The following ZZEF1 variants were observed in gnomAD, a reference collection of about 807,000 sequenced individuals.
The protein encoded by ZZEF1 is zinc finger ZZ-type and EF-hand domain-containing protein 1.
ZZEF1 carries 157 observed loss-of-function variants against 342.8 expected under a neutral mutation model. That is an observed-to-expected ratio of 0.46 (90% confidence interval 0.40 to 0.52). ZZEF1 has a LOEUF of 0.52. ZZEF1 is among the 20% of genes least tolerant of loss of function. The pLI is 0.00. For missense variants in ZZEF1, 3,480 were observed against 3,725.6 expected (o/e 0.93, Z 1.72); for synonymous variants, 1,505 against 1,429.1 (o/e 1.05, Z -1.20).
chr17:4,071,478 T>C (rs1176856306), intron 25 of ZZEF1: 1 of 152,650 alleles, frequency 6.6e-6, no homozygotes, highest in Non-Finnish European at 1.5e-5. Flanking sequence ...TAATGGTGCT[T>C]GGCAGTGGAA....
chr17:4,039,850 T>A (rs889833890), intron 39 of ZZEF1, among the ~76,000 whole-genome samples: 1 of 152,038 alleles, frequency 6.6e-6, no homozygotes, highest in African/African-American at 2.4e-5. Flanking sequence ...TTCACTGTGT[T>A]AGCCAGGATG....
In ZZEF1 at chr17:4,064,657, T is replaced by C. The variant is rs2145234398; in HGVS notation, c.4422A>G (p.Val1474=). ...SVVEEHFQAS[V]SPTEAAPPAT... is the part of the protein sequence containing the mutation. ...CAGGGGGTGCGGCTTCAGTGGGAGA[T>C]ACTGAGGCTTGGAAATGCTCTTCCA... Residue 1474 remains valine (V), a synonymous_variant, in exon 29 of 55, where the codon GTA becomes GTG. Coordinates refer to ENST00000381638, the MANE Select transcript of ZZEF1 (RefSeq NM_015113.4). 1.2e-6 allele frequency: 2 copies of C among 1,614,152 alleles called. No homozygotes were observed. The highest frequency in any genetic ancestry group is 1.1e-5 in the South Asian group (1 of 91,086).
In ZZEF1 at chr17:4,142,679, C is replaced by A. The variant is rs781257992; in HGVS notation, c.217G>T (p.Val73Leu). ...AACAACGCGCCGCGATGCCTCGACA[C>A]CAGCGACTCGCAGGGGGGTGTGGGC... is the stretch of plus-strand genomic sequence containing the variant. The part of the protein sequence containing the change: ...LLPTPPCESL[V>L]SRHRGALFRW... Residue 73 changes from valine (V) to leucine (L), a missense_variant, in exon 1 of 55, where the codon GTG becomes TTG. Coordinates refer to ENST00000381638, the MANE Select transcript of ZZEF1 (RefSeq NM_015113.4). The A allele has an allele frequency of 1.2e-6, 2 of 1,606,998 alleles. No homozygotes were observed. Among genetic ancestry groups the A allele is most frequent in the Admixed American group, 3.3e-5 (2 of 59,934 alleles).
chr17:4,122,381 CTT>C (rs778829771), intron 2 of ZZEF1, among the ~76,000 whole-genome samples: 4 of 145,102 alleles, frequency 2.8e-5, no homozygotes, highest in Non-Finnish European at 3.0e-5. Context: ...CATGTCTTTT[CTT>C]TTTTTTTTTT....
At chr17:4,067,617 T>C (rs1422225608) in intron 26 of ZZEF1, among the ~76,000 whole-genome samples, 2 of 152,198 alleles carry the variant, frequency 1.3e-5, no homozygotes, top group East Asian at 1.9e-4. Flanking sequence ...AAGCAGGTTA[T>C]GAAACAGTAT....
chr17:4,129,359 C>T (rs2058627793), intron 1 of ZZEF1, among the ~76,000 whole-genome samples: 1 of 152,088 alleles, frequency 6.6e-6, no homozygotes, highest in African/African-American at 2.4e-5. Flanking sequence ...ACCATTTGAC[C>T]CAGCAATCCC....
rs553553584 is a variant in ZZEF1, at chr17:4,102,289, A to G, written c.1672+28T>C. On this transcript the variant is annotated intron_variant, in intron 9 of 54. Transcript: ENST00000381638. ...CAGCTGACTCCTGTCTACCGAGCAC[A>G]CTAGAAACAGACAGACCCACCACTC... The G allele has an allele frequency of 4.7e-5, 75 of 1,598,678 alleles. 3 individuals are homozygous for G. In the South Asian group the frequency reaches 7.8e-4, roughly 17 times the overall value.
Position 4,072,659 on chromosome 17 carries a change from C to T in ZZEF1, c.3783G>A (p.Glu1261=). The part of the protein sequence containing the change: ...KPVFRHQVCP[E]LELEASWPTH... ...TGGGCCAGCTTGCTTCTAATTCCAA[C>T]TCTGGACAAACCTGATGCCTGAAGA... Residue 1261 remains glutamate, a synonymous_variant, in exon 25 of 55, where the codon GAG becomes GAA. Coordinates refer to ENST00000381638, the MANE Select transcript of ZZEF1 (RefSeq NM_015113.4). 1 of 1,614,026 alleles carries T rather than the reference C, an allele frequency of 6.2e-7. No individual in the cohort carries two copies. Among genetic ancestry groups the T allele is most frequent in the African/African-American group, 1.3e-5 (1 of 75,026 alleles).
intron 37 of ZZEF1, among the ~76,000 whole-genome samples, chr17:4,045,446 C>T (rs928690730): frequency 5.3e-5 from 8 of 152,160 alleles, no homozygotes; most frequent in African/African-American, 1.9e-4. Flanking sequence ...GAAAACCAAA[C>T]AAACCTTTAT....
At position 4,112,787 on chromosome 17, in the gene ZZEF1, A is replaced by G; in HGVS notation, c.888T>C (p.Val296=). The G allele has an allele frequency of 1.3e-6, 2 of 1,580,534 alleles. No homozygotes were observed. Among genetic ancestry groups the G allele is most frequent in the Non-Finnish European group, 1.7e-6 (2 of 1,161,002 alleles). The stretch of plus-strand genomic sequence containing the variant: ...CTGCAATGGACAGGTGCCTAAGCAC[A>G]ACATCTGGCTTCATTTTTAAACTGG... ...HWIRLKMKPD[V]VLRHLSIAVA... The change falls in exon 5 of 55, where the codon GTT becomes GTC. Residue 296 remains valine (V), a synonymous_variant. Transcript: ENST00000381638.
intron 16 of ZZEF1, among the ~76,000 whole-genome samples, chr17:4,083,649 T>G (rs1028890945): frequency 6.6e-6 from 1 of 150,952 alleles, no homozygotes; most frequent in Non-Finnish European, 1.5e-5. Context: ...TTTTTTTTTT[T>G]TTTTTTGAGA....
Position 4,095,830 on chromosome 17 carries a change from C to T in ZZEF1, c.1913+1G>A, listed in dbSNP as rs1215278344. The T allele has an allele frequency of 6.2e-7, 1 of 1,603,614 alleles. No individual in the cohort carries two copies. The highest frequency in any genetic ancestry group is 8.5e-7 in the Non-Finnish European group (1 of 1,174,782). ...TCTACAAAGATTTTTTACCTTCTTA[C>T]CTGCTTTTTACAAATTGCCTGAGCT... On this transcript the variant is annotated splice_donor_variant, in intron 11 of 54. Transcript: ENST00000381638. LOFTEE classifies it high-confidence loss of function.
At chr17:4,140,245 A>T (rs2058820970) in intron 1 of ZZEF1, among the ~76,000 whole-genome samples, 1 of 152,142 alleles carries the variant, frequency 6.6e-6, no homozygotes, top group Non-Finnish European at 1.5e-5. Context: ...TATCCCTAAT[A>T]CACCACACCA....
At chr17:4,037,209 C>T (rs1403694317) in intron 39 of ZZEF1, among the ~76,000 whole-genome samples, 4 of 152,188 alleles carry the variant, frequency 2.6e-5, no homozygotes, top group African/African-American at 9.7e-5. Context: ...GTTTCAAAGA[C>T]TCTCCCCACT....
chr17:4,027,594 C>T (rs1388156157), intron 42 of ZZEF1, among the ~76,000 whole-genome samples: 6 of 119,710 alleles, frequency 5.0e-5, no homozygotes, highest in African/African-American at 1.4e-4. Flanking sequence ...TGTGCCCTGC[C>T]TTTTTTTTTT....
At chr17:4,071,133 G>A (rs1398546271) in intron 25 of ZZEF1, among the ~76,000 whole-genome samples, 1 of 152,156 alleles carries the variant, frequency 6.6e-6, no homozygotes, top group African/African-American at 2.4e-5. Context: ...TAGCATTCCC[G>A]TAAAGCAAAA....
intron 39 of ZZEF1, among the ~76,000 whole-genome samples, chr17:4,040,451 T>G (rs554998157): frequency 6.6e-6 from 1 of 152,208 alleles, no homozygotes; most frequent in South Asian, 2.1e-4. Context: ...AGAGCTAAAA[T>G]TACAGATAAT....
At chr17:4,038,808 A>C (rs1311638371) in intron 39 of ZZEF1, among the ~76,000 whole-genome samples, 2 of 151,162 alleles carry the variant, frequency 1.3e-5, no homozygotes, top group Non-Finnish European at 1.5e-5. Flanking sequence ...TCTGTCTCAA[A>C]AAACAAACAA....
chr17:4,095,937 C>T lies in ZZEF1; in HGVS notation c.1807G>A (p.Ala603Thr), dbSNP rs2058025815. 6.2e-7 allele frequency: 1 copy of T among 1,613,612 alleles called. No homozygotes were observed. Among genetic ancestry groups the T allele is most frequent in the African/African-American group, 1.3e-5 (1 of 75,008 alleles). ...GIGAQCGLVF[A>T]YNSSSDKFCA... ...AATTTATCTGAAGATGAGTTATAGG[C>T]AAACACCAACCCACACTGGGCACCA... The change falls in exon 11 of 55, where the codon GCC (alanine) becomes ACC (threonine). Residue 603 changes from alanine to threonine, a missense_variant. Around this residue, in one of 5 missense-constraint regions of ZZEF1, gnomAD observed 1,528 missense variants for 1,624.1 expected, o/e 0.94. Transcript: ENST00000381638.
Sources: gnomAD v4.1 joint callset for allele counts (sites outside exome capture counted in the v4.1 genomes callset) on GRCh38, gnomAD v4.1.1 for gene constraint, gnomAD v4.1.1 regional missense constraint, MANE v1.5 for transcripts, NCBI Gene and HGNC (gene_info 2026-07-23, HGNC 2026-07-21) for gene names.